KIF6: variants seen among roughly 807,000 people sequenced by gnomAD.
The protein encoded by KIF6 is kinesin family member 6.
KIF6 carries 106 observed loss-of-function variants against 112.7 expected under a neutral mutation model. The observed-to-expected ratio is 0.94, with a 90% CI of 0.80 to 1.11. The LOEUF (loss-of-function observed/expected upper bound fraction) is 1.11. KIF6 is among the 50% of genes least tolerant of loss of function. The probability of loss-of-function intolerance (pLI) is 0.00; values close to 1 mark genes in which losing one functional copy is unlikely to be tolerated. For missense variants in KIF6, 929 were observed against 964.0 expected (o/e 0.96, Z 0.48); for synonymous variants, 339 against 339.9 (o/e 1.00, Z 0.03).
chr6:39,719,646 G>A (rs1582526817), intron 2 of KIF6, among the ~76,000 whole-genome samples: 1 of 152,130 alleles, frequency 6.6e-6, no homozygotes, highest in Non-Finnish European at 1.5e-5. Flanking sequence ...CTAAATTCAA[G>A]ACCTAGCTAC....
At chr6:39,615,959 C>G (rs1317399333) in intron 5 of KIF6, among the ~76,000 whole-genome samples, 2 of 152,088 alleles carry the variant, frequency 1.3e-5, no homozygotes, top group Non-Finnish European at 2.9e-5. Flanking sequence ...CCCTAAACAT[C>G]CATAGGGTTT....
intron 3 of KIF6, among the ~76,000 whole-genome samples, chr6:39,713,720 T>A (rs1439242060): frequency 6.6e-6 from 1 of 152,208 alleles, no homozygotes; most frequent in African/African-American, 2.4e-5. Flanking sequence ...GAGGTGTTAT[T>A]GGATTGTTGG....
chr6:39,720,526 G>T (rs561274867), intron 2 of KIF6, among the ~76,000 whole-genome samples, 176 bp downstream of exon 2: 6 of 152,040 alleles, frequency 3.9e-5, no homozygotes, highest in African/African-American at 9.7e-5. Context: ...CATTATTTTT[G>T]ACCTTGGGCA....
chr6:39,538,401 G>A (rs965489083), intron 13 of KIF6, among the ~76,000 whole-genome samples: 1 of 151,892 alleles, frequency 6.6e-6, no homozygotes, highest in African/African-American at 2.4e-5. Context: ...CAGAAAGTGG[G>A]CAAAGGATAT....
At chr6:39,590,451 A>ATATTTTTTT (rs1338373703) in intron 7 of KIF6, among the ~76,000 whole-genome samples, 2 of 84,776 alleles carry the variant, frequency 2.4e-5, no homozygotes, top group African/African-American at 1.0e-4. Context: ...ATATATATAT[A>ATATTTTTTT]TTTTTTTTTT....
chr6:39,426,465 T>C (rs529646514), intron 14 of KIF6, among the ~76,000 whole-genome samples: 1 of 152,234 alleles, frequency 6.6e-6, no homozygotes, highest in East Asian at 1.9e-4. Flanking sequence ...TTAAGTAACA[T>C]GGGGCTGAGT....
chr6:39,634,857 T>C lies in KIF6; in HGVS notation c.501A>G (p.Glu167=). The change falls in exon 5 of 23, where the codon GAA becomes GAG. Residue 167 remains glutamate, a synonymous_variant. Coordinates refer to ENST00000287152, the MANE Select transcript of KIF6 (RefSeq NM_145027.6). ...GTTGTTCTGCTACTCACGGCAAATC[T>C]TCCAAACTGGAGGCTTCATGTCTTG... ...LDPRHEASSL[E]DLPKVTILED... The C allele has an allele frequency of 6.3e-7, 1 of 1,596,534 alleles. No homozygotes were observed. The highest frequency in any genetic ancestry group is 1.3e-5 in the African/African-American group (1 of 74,666).
At chr6:39,454,656 G>A (rs1446136163) in intron 13 of KIF6, among the ~76,000 whole-genome samples, 9 of 152,282 alleles carry the variant, frequency 5.9e-5, no homozygotes, top group Non-Finnish European at 5.9e-5. Context: ...CAGGCCAGTG[G>A]GTGCGCACAC....
At chr6:39,538,046 C>T (rs531201559) in intron 13 of KIF6, among the ~76,000 whole-genome samples, 1 of 152,286 alleles carries the variant, frequency 6.6e-6, no homozygotes, top group Admixed American at 6.5e-5. Flanking sequence ...TCCTTCCTTA[C>T]ACCTTATACA....
At chr6:39,349,021 C>T (rs1764007620) in intron 19 of KIF6, among the ~76,000 whole-genome samples, 1 of 152,154 alleles carries the variant, frequency 6.6e-6, no homozygotes, top group South Asian at 2.1e-4. Flanking sequence ...AGCTGGCTTG[C>T]CCGAGGGTGT....
At position 39,430,794 on chromosome 6, in the gene KIF6, G is replaced by A. The variant is rs183210955; in HGVS notation, c.1754+259C>T. ...TGATGAGAATGAATGTATGATGTGA[G>A]AATTGTAAATCACGTTGATACTGTC... is the stretch of plus-strand genomic sequence containing the variant. On this transcript the variant is annotated intron_variant, in intron 14 of 22. Transcript: ENST00000287152. Among the ~76,000 whole-genome samples, 20 of 152,334 alleles carry A rather than the reference G, an allele frequency of 1.3e-4. No individual in the cohort carries two copies. In the South Asian group the frequency reaches 1.9e-3, roughly 14 times the overall value.
intron 5 of KIF6, chr6:39,620,336 A>G (rs1783745243): frequency 6.6e-6 from 1 of 152,268 alleles, no homozygotes; most frequent in East Asian, 1.9e-4. Flanking sequence ...TTCAGATTTT[A>G]TAGTGATAGT....
intron 19 of KIF6, among the ~76,000 whole-genome samples, chr6:39,355,459 C>CTTTT (rs574801087): frequency 3.4e-4 from 28 of 82,750 alleles, no homozygotes; most frequent in African/African-American, 1.0e-3. Flanking sequence ...TTTAAGAAGT[C>CTTTT]TTTTTTTTTT....
intron 21 of KIF6, among the ~76,000 whole-genome samples, chr6:39,344,906 G>C (rs1050225241): frequency 6.6e-6 from 1 of 152,228 alleles, no homozygotes; most frequent in African/African-American, 2.4e-5. Context: ...GTGTGGCCGG[G>C]TGACCAGGTG....
intron 10 of KIF6, among the ~76,000 whole-genome samples, chr6:39,557,803 C>T (rs1298633499): frequency 6.6e-6 from 1 of 151,654 alleles, no homozygotes; most frequent in Admixed American, 6.6e-5. Flanking sequence ...ATGAAAAACA[C>T]AAGTTAAAAA....
chr6:39,490,070 C>T (rs995102347), intron 13 of KIF6, among the ~76,000 whole-genome samples: 1 of 152,132 alleles, frequency 6.6e-6, no homozygotes, highest in Non-Finnish European at 1.5e-5. Flanking sequence ...TAATAAAGTA[C>T]GAGAAGTGAA....
At chr6:39,716,368 A>C (rs303699) in intron 2 of KIF6, among the ~76,000 whole-genome samples, 130,557 of 152,104 alleles carry the variant, frequency 0.86, 56,470 homozygotes, top group East Asian at 0.97. Context: ...AAACACAAGC[A>C]ATCCAGATCT....
rs561287168 is a variant in KIF6, at chr6:39,471,768, T to C, written c.1646-40607A>G. The stretch of plus-strand genomic sequence containing the variant: ...GGGAGTTCTTTTTACATATGTACCT[T>C]GGTCTTGACAGAGCTGCTTGCTGAG... On this transcript the variant is annotated intron_variant, in intron 13 of 22. Transcript: ENST00000287152. 3.3e-5 allele frequency among the ~76,000 whole-genome samples: 5 copies of C among 152,324 alleles called. No individual in the cohort carries two copies. In the South Asian group the frequency reaches 1.0e-3, roughly 32 times the overall value.
rs58810898 is a variant in KIF6 at position 39,349,631 on chromosome 6, C to CTTTTTTTTTTT, written c.2181-3116_2181-3106dup. On this transcript the variant is annotated intron_variant, in intron 19 of 22. Transcript: ENST00000287152. ...GAAGGTCTAGGTTTAATTTGTGGCTCTTTTTTTTTTTTTTTTTTTTTTTTT... is the reference window on the plus strand; with the variant it reads ...GAAGGTCTAGGTTTAATTTGTGGCTCTTTTTTTTTTTTTTTTTTTTTTTTTTTTTTTTTTTT... Among the ~76,000 whole-genome samples the CTTTTTTTTTTT allele has an allele frequency of 2.4e-3, 152 of 64,560 alleles. 18 individuals are homozygous for CTTTTTTTTTTT. In the East Asian group the frequency reaches 0.027, roughly 11 times the overall value. 42.4% of individuals were successfully genotyped at this position (64,560 alleles called of 152,430 possible). A position where few individuals can be genotyped will look rare whatever the true frequency, so the allele number is the denominator to read the frequency against.
Sources: gnomAD v4.1 joint callset for allele counts (sites outside exome capture counted in the v4.1 genomes callset) on GRCh38, gnomAD v4.1.1 for gene constraint, MANE v1.5 for transcripts, NCBI Gene and HGNC (gene_info 2026-07-23, HGNC 2026-07-21) for gene names.